The following SRPK3 variants were observed in gnomAD, a reference collection of about 807,000 sequenced individuals.
SRPK3 encodes the protein SFRS protein kinase 3.
In SRPK3, 26 loss-of-function variants were observed where a neutral mutation model predicts 45.3. The observed-to-expected ratio is 0.57, with a 90% CI of 0.42 to 0.80. The LOEUF is 0.80. Among genes scored for constraint, SRPK3 ranks in the 30% least tolerant of loss-of-function variants. SRPK3 has a pLI of 0.00. For synonymous variants in SRPK3, 254 were observed against 226.6 expected (o/e 1.12, Z -1.09); for missense variants, 536 against 514.5 (o/e 1.04, Z -0.40).
rs139559258 is a variant in SRPK3, at chrX:153,785,167, C to T, written c.1513C>T (p.Arg505Trp). Reference protein sequence around the residue: ...SGRYSREFFNRRGELRHIHNL... With the variant: ...SGRYSREFFNWRGELRHIHNL... ...CCGCTATTCCCGGGAGTTCTTCAAC[C>T]GGAGAGGTGAGGGCCCGGGCAGCCT... The change falls in exon 14 of 15, where the codon CGG becomes TGG. Residue 505 changes from arginine to tryptophan, a missense_variant. Physicochemically the swap from Arg to Trp is moderately radical, Grantham distance 101. Coordinates refer to ENST00000370101, the MANE Select transcript of SRPK3 (RefSeq NM_014370.4). 12 of 1,181,629 alleles carry T rather than the reference C, an allele frequency of 1.0e-5. No homozygotes were observed. Among genetic ancestry groups the T allele is most frequent in the East Asian group, 3.1e-5 (1 of 32,035 alleles).
intron 14 of SRPK3, 44 bp from the exon 15 acceptor site, chrX:153,785,292 C>A: frequency 8.4e-7 from 1 of 1,193,241 alleles, no homozygotes; most frequent in Non-Finnish European, 1.1e-6. Flanking sequence ...GAAGGCAGGT[C>A]CAGAGACAGG....
Position 153,785,186 on chromosome X carries a change from G to A in SRPK3, c.1519+13G>A, listed in dbSNP as rs1273936777. On this transcript the variant is annotated intron_variant, in intron 14 of 14. Coordinates refer to ENST00000370101, the MANE Select transcript of SRPK3 (RefSeq NM_014370.4). ...TTCAACCGGAGAGGTGAGGGCCCGG[G>A]CAGCCTCAGGCCATGTGGCTGCAGG... 3.3e-6 allele frequency: 4 copies of A among 1,196,396 alleles called. No individual in the cohort carries two copies. The highest frequency in any genetic ancestry group is 1.8e-5 in the African/African-American group (1 of 57,135).
chrX:153,783,644 C>G lies in SRPK3; in HGVS notation c.775-108C>G, dbSNP rs2092065665. 2.7e-5 allele frequency: 31 copies of G among 1,135,891 alleles called. No individual in the cohort carries two copies. In the South Asian group the frequency reaches 5.4e-4, roughly 20 times the overall value. 93.6% of individuals were successfully genotyped at this position (1,135,891 alleles called of 1,213,427 possible). A position where few individuals can be genotyped will look rare whatever the true frequency, so the allele number is the denominator to read the frequency against. ...CGCCACATTCTGGTGTCCATGGGAGCCCTGGGGCCCGGAGAGGCCTCTTCC... is the reference window on the plus strand; with the variant it reads ...CGCCACATTCTGGTGTCCATGGGAGGCCTGGGGCCCGGAGAGGCCTCTTCC... On this transcript the variant is annotated intron_variant, in intron 8 of 14. Coordinates refer to ENST00000370101, the MANE Select transcript of SRPK3 (RefSeq NM_014370.4).
chrX:153,781,900 G>T (rs994438333), intron 4 of SRPK3, 70 bp downstream of exon 4: 11 of 1,131,101 alleles, frequency 9.7e-6, no homozygotes, highest in Non-Finnish European at 1.2e-5. Context: ...CGGGTGCAAG[G>T]CCTGCCGGGG....
intron 2 of SRPK3, 25 bp from the exon 3 acceptor site, chrX:153,781,480 C>T: frequency 8.3e-7 from 1 of 1,200,002 alleles, no homozygotes; most frequent in Non-Finnish European, 1.1e-6. Context: ...CCCCCTCCAC[C>T]CCAATCTACA....
rs943998410 is a variant in SRPK3 at position 153,784,990 on chromosome X, C to T, written c.1413C>T (p.Tyr471=). Residue 471 remains tyrosine, a synonymous_variant, in exon 13 of 15, where the codon TAC becomes TAT. Transcript: ENST00000370101. ...TCGAGCCGCATTCTGGAGAAGACTA[C>T]AGTCGTGATGAGGGTAAGGGGTGAG... is the stretch of plus-strand genomic sequence containing the variant. ...YLFEPHSGED[Y]SRDEDHIAHI... is the part of the protein sequence containing the mutation. The T allele has an allele frequency of 8.3e-7, 1 of 1,211,331 alleles. No homozygotes were observed. Among genetic ancestry groups the T allele is most frequent in the Non-Finnish European group, 1.1e-6 (1 of 895,331 alleles).
At position 153,781,081 on chromosome X, in the gene SRPK3, G is replaced by T; in HGVS notation, c.-6G>T. Reference sequence around the variant, plus strand: ...GGGCACCGGAGCTGCGGGCTGCGTGGCCGGGATGAGCGCCAGCACGGGCGG... The same window carrying T: ...GGGCACCGGAGCTGCGGGCTGCGTGTCCGGGATGAGCGCCAGCACGGGCGG... On this transcript the variant is annotated 5_prime_UTR_variant, in exon 1 of 15. Transcript: ENST00000370101. The T allele has an allele frequency of 1.9e-6, 2 of 1,069,782 alleles. No individual in the cohort carries two copies. Among genetic ancestry groups the T allele is most frequent in the Non-Finnish European group, 2.4e-6 (2 of 830,296 alleles). 88.2% of individuals were successfully genotyped at this position (1,069,782 alleles called of 1,213,427 possible).
intron 8 of SRPK3, 27 bp downstream of exon 8, chrX:153,783,278 T>A: frequency 1.8e-6 from 2 of 1,139,089 alleles, no homozygotes; most frequent in Non-Finnish European, 2.4e-6. Flanking sequence ...CTCTCTCCCA[T>A]GCCTCCTCTC....
chrX:153,784,475 C>T (rs1008194515), intron 11 of SRPK3, 81 bp downstream of exon 11: 35 of 1,060,871 alleles, frequency 3.3e-5, no homozygotes, highest in Admixed American at 5.0e-5. Flanking sequence ...GGAGCCCTAC[C>T]CCAGTCTGCA....
At chrX:153,784,455 C>T (rs782193155) in intron 11 of SRPK3, 61 bp downstream of exon 11, 187 of 1,131,256 alleles carry the variant, frequency 1.7e-4, no homozygotes, top group Middle Eastern at 2.4e-4. Flanking sequence ...AGGCACAGGG[C>T]CGCTCTTGGG....
At position 153,784,657 on chromosome X, in the gene SRPK3, C is replaced by T. The variant is rs41302178; in HGVS notation, c.1249-93C>T. 2.7e-3 allele frequency: 2,851 copies of T among 1,061,156 alleles called. 6 individuals carry two copies. The highest frequency in any genetic ancestry group is 3.1e-3 in the Non-Finnish European group (2,421 of 770,735). 87.5% of individuals were successfully genotyped at this position (1,061,156 alleles called of 1,213,427 possible). A position where few individuals can be genotyped will look rare whatever the true frequency, so the allele number is the denominator to read the frequency against. On this transcript the variant is annotated intron_variant, in intron 11 of 14. Coordinates refer to ENST00000370101, the MANE Select transcript of SRPK3 (RefSeq NM_014370.4). ...GAGGCTCACAGCAAACCCCACTGAG[C>T]TCCTCGGGTAGGCGGATCGGGGTGG...
In SRPK3 at chrX:153,784,866, G is replaced by T; in HGVS notation, c.1356+9G>T. 1.7e-6 allele frequency: 2 copies of T among 1,210,668 alleles called. No individual in the cohort carries two copies. Among genetic ancestry groups the T allele is most frequent in the African/African-American group, 1.7e-5 (1 of 58,005 alleles). Reference sequence around the variant, plus strand: ...GGAGCACAGCCTGCATGGTACGCCCGCCCGGGCTGCCCTGTGCCCAGGGCC... The same window carrying T: ...GGAGCACAGCCTGCATGGTACGCCCTCCCGGGCTGCCCTGTGCCCAGGGCC... On this transcript the variant is annotated intron_variant, in intron 12 of 14. Transcript: ENST00000370101.
At chrX:153,782,320 C>A in intron 5 of SRPK3, 112 bp downstream of exon 5, 1 of 648,932 alleles carries the variant, frequency 1.5e-6, no homozygotes, top group Non-Finnish European at 2.4e-6. Context: ...GCATCCCTCC[C>A]AGTAACGGGA....
chrX:153,784,103 C>A lies in SRPK3; in HGVS notation c.1037C>A (p.Ala346Glu). ...CCAGGGGGCGGCCGTAGCCTCAGCG[C>A]GGGCTCACAGACCTCAGGCTTCTCC... ...PAPGGGRSLSAGSQTSGFSGS... is the reference protein window; with the variant it reads ...PAPGGGRSLSEGSQTSGFSGS... Residue 346 changes from alanine (A) to glutamate (E), a missense_variant, in exon 10 of 15, where the codon GCG becomes GAG. Physicochemically the swap from Ala to Glu is moderately radical, Grantham distance 107. Transcript: ENST00000370101. The A allele has an allele frequency of 8.3e-7, 1 of 1,210,856 alleles. No homozygotes were observed. Among genetic ancestry groups the A allele is most frequent in the Non-Finnish European group, 1.1e-6 (1 of 895,487 alleles).
chrX:153,782,801 C>T lies in SRPK3; in HGVS notation c.505C>T (p.His169Tyr). The change falls in exon 6 of 15, where the codon CAC (histidine) becomes TAC (tyrosine). Residue 169 changes from histidine (H) to tyrosine (Y), a missense_variant. His to Tyr is a moderately conservative substitution (Grantham distance 83, BLOSUM62 2). Transcript: ENST00000370101. ...HVCMVLEVLG[H>Y]QLLKWIIKSN... ...GTGCATGGTGCTGGAGGTGCTGGGC[C>T]ACCAGCTCCTCAAATGGATCATCAA... 8.3e-7 allele frequency: 1 copy of T among 1,210,524 alleles called. No individual in the cohort carries two copies. The highest frequency in any genetic ancestry group is 1.7e-5 in the African/African-American group (1 of 57,942).
chrX:153,784,960 C>G lies in SRPK3; in HGVS notation c.1383C>G (p.Tyr461Ter). The change falls in exon 13 of 15, where the codon TAC becomes TAG. Residue 461 changes from tyrosine (Y) to a stop codon, truncating the protein, a stop_gained. Transcript: ENST00000370101. LOFTEE classifies it high-confidence loss of function. ...CCTTCGAGCTGGCCACTGGTGACTA[C>G]CTGTTCGAGCCGCATTCTGGAGAAG... ...CMAFELATGD[Y>*]LFEPHSGEDY... 8.3e-7 allele frequency: 1 copy of G among 1,210,306 alleles called. No individual in the cohort carries two copies. Among genetic ancestry groups the G allele is most frequent in the Non-Finnish European group, 1.1e-6 (1 of 895,043 alleles).
chrX:153,781,605 G>C lies in SRPK3; in HGVS notation c.291G>C (p.Trp97Cys). The change falls in exon 3 of 15, where the codon TGG (tryptophan) becomes TGC (cysteine). Residue 97 changes from tryptophan to cysteine, a missense_variant. Physicochemically the swap from Trp to Cys is radical, Grantham distance 215 (BLOSUM62 -2). Coordinates refer to ENST00000370101, the MANE Select transcript of SRPK3 (RefSeq NM_014370.4). ...ACTTCTCCACCGTCTGGCTCTGCTG[G>C]GACATCCAGTGAGTGCCTCCTTCGC... ...WGHFSTVWLC[W>C]DIQRKRFVAL... 1 of 1,209,834 alleles carries C rather than the reference G, an allele frequency of 8.3e-7. No homozygotes were observed. Among genetic ancestry groups the C allele is most frequent in the Middle Eastern group, 2.3e-4 (1 of 4,295 alleles).
rs782304485 is a variant in SRPK3 at position 153,783,263 on chromosome X, G to T, written c.774+12G>T. 1.8e-5 allele frequency: 22 copies of T among 1,190,005 alleles called. No homozygotes were observed. Among genetic ancestry groups the T allele is most frequent in the Non-Finnish European group, 2.4e-5 (21 of 883,670 alleles). On this transcript the variant is annotated intron_variant, in intron 8 of 14. Transcript: ENST00000370101. Reference sequence around the variant, plus strand: ...CCCAGGAGGTCTTGGTAAGTTGGGGGGCCCCTCTCTCCCATGCCTCCTCTC... The same window carrying T: ...CCCAGGAGGTCTTGGTAAGTTGGGGTGCCCCTCTCTCCCATGCCTCCTCTC...
Position 153,781,214 on chromosome X carries a change from A to G in SRPK3, c.60-2A>G. Reference sequence around the variant, plus strand: ...GCCCACTGCCACTCACCCCACCCGCAGCTCACAGGCCTCCTGCGGGCCCGA... The same window carrying G: ...GCCCACTGCCACTCACCCCACCCGCGGCTCACAGGCCTCCTGCGGGCCCGA... On this transcript the variant is annotated splice_acceptor_variant, in intron 1 of 14. Transcript: ENST00000370101. LOFTEE classifies it high-confidence loss of function. 1 of 1,206,415 alleles carries G rather than the reference A, an allele frequency of 8.3e-7. No homozygotes were observed.
Sources: gnomAD v4.1 joint callset for allele counts on GRCh38, gnomAD v4.1.1 for gene constraint, MANE v1.5 for transcripts, NCBI Gene and HGNC (gene_info 2026-07-23, HGNC 2026-07-21) for gene names.